The following FRMD3 variants were observed in gnomAD, a reference collection of about 807,000 sequenced individuals.
FRMD3 encodes the protein FERM domain containing 3.
A neutral mutation model predicts 70.2 loss-of-function variants in FRMD3; 33 were observed. That is an observed-to-expected ratio of 0.47 (90% CI 0.36 to 0.63). The LOEUF (loss-of-function observed/expected upper bound fraction) is 0.63. Ranked by LOEUF, FRMD3 falls within the 20% of genes least tolerant of loss-of-function variation. The pLI, the probability that FRMD3 is intolerant of heterozygous loss-of-function variation, is 0.00. For missense variants in FRMD3, 632 were observed against 711.4 expected, an observed-to-expected ratio of 0.89 and a Z score of 1.27; for synonymous variants, 279 against 255.9, an observed-to-expected ratio of 1.09 and a Z score of -0.86.
chr9:83,364,329 C>CG (rs1488303062), intron 3 of FRMD3, among the ~76,000 whole-genome samples: 1 of 152,152 alleles, frequency 6.6e-6, no homozygotes, highest in Non-Finnish European at 1.5e-5. Context: ...GAGACTGAGG[C>CG]GGGGGCGTCA....
rs1373182163 is a variant in FRMD3 at position 83,444,494 on chromosome 9, G to A, written c.148-54786C>T. Reference sequence around the variant, plus strand: ...AATAGAAAGCATGTGTGCTATCTTCGGAGTTTCCTTCAAATTTCATGTTTC... The same window carrying A: ...AATAGAAAGCATGTGTGCTATCTTCAGAGTTTCCTTCAAATTTCATGTTTC... On this transcript the variant is annotated intron_variant, in intron 1 of 13. Coordinates refer to ENST00000304195, the MANE Select transcript of FRMD3 (RefSeq NM_174938.6). Among the ~76,000 whole-genome samples, 4 of 152,146 alleles carry A rather than the reference G, an allele frequency of 2.6e-5. No individual in the cohort carries two copies. In the East Asian group the frequency reaches 5.8e-4, roughly 22 times the overall value.
chr9:83,459,630 C>T (rs1009348917), intron 1 of FRMD3, among the ~76,000 whole-genome samples: 2 of 152,226 alleles, frequency 1.3e-5, no homozygotes, highest in African/African-American at 4.8e-5. Context: ...AAACTGATGG[C>T]AAACGCTGCC....
intron 7 of FRMD3, among the ~76,000 whole-genome samples, 199 bp downstream of exon 7, chr9:83,313,461 A>G (rs970126186): frequency 4.6e-5 from 7 of 152,234 alleles, no homozygotes; most frequent in Non-Finnish European, 1.0e-4. Flanking sequence ...ATGGCAATCA[A>G]TGAACAATTG....
Position 83,306,121 on chromosome 9 carries a change from C to T in FRMD3, c.926+3415G>A, listed in dbSNP as rs758689268. ...GACTTCCTCATATATGATAAAACAA[C>T]GTGCGTGAAATAGCAAATGAATGTC... On this transcript the variant is annotated intron_variant, in intron 10 of 13. Transcript: ENST00000304195. 6.8e-4 allele frequency among the ~76,000 whole-genome samples: 103 copies of T among 152,266 alleles called. 1 individual carries two copies. The highest frequency in any genetic ancestry group is 1.4e-3 in the South Asian group (7 of 4,830).
chr9:83,247,452 A>T lies in FRMD3; in HGVS notation c.*466T>A. ...ATAAAAATATTTTTAAAAAAACAGAACCAAAAACCCAGCATAAATTTAGTT... is the reference window on the plus strand; with the variant it reads ...ATAAAAATATTTTTAAAAAAACAGATCCAAAAACCCAGCATAAATTTAGTT... On this transcript the variant is annotated 3_prime_UTR_variant, in exon 14 of 14. Coordinates refer to ENST00000304195, the MANE Select transcript of FRMD3 (RefSeq NM_174938.6). 1 of 984,166 alleles carries T rather than the reference A, an allele frequency of 1.0e-6. No homozygotes were observed. Among genetic ancestry groups the T allele is most frequent in the Non-Finnish European group, 1.2e-6 (1 of 828,478 alleles). The allele number at this position is 984,166 out of a possible 1,614,324, so 61.0% of individuals were successfully genotyped here.
chr9:83,296,069 T>C (rs977731604), intron 12 of FRMD3, among the ~76,000 whole-genome samples: 1 of 152,208 alleles, frequency 6.6e-6, no homozygotes, highest in Admixed American at 6.5e-5. Flanking sequence ...AATTAAAGTA[T>C]TATCACCACC....
At chr9:83,335,733 G>T (rs958087912) in intron 5 of FRMD3, 94 bp from the exon 6 acceptor site, 1 of 1,111,524 alleles carries the variant, frequency 9.0e-7, no homozygotes, top group African/African-American at 1.6e-5. Context: ...TCCAAAAGAA[G>T]AGGCTGGAAT....
At chr9:83,442,647 G>T (rs867633497) in intron 1 of FRMD3, among the ~76,000 whole-genome samples, 2 of 151,878 alleles carry the variant, frequency 1.3e-5, no homozygotes, top group Non-Finnish European at 2.9e-5. Context: ...CTCAGTGGAG[G>T]GGGGGTACAT....
intron 1 of FRMD3, among the ~76,000 whole-genome samples, chr9:83,521,130 A>T (rs1178324166): frequency 6.6e-6 from 1 of 150,856 alleles, no homozygotes; most frequent in East Asian, 2.0e-4. Context: ...CAAGCACAAG[A>T]CTCCATCTCA....
At chr9:83,474,349 A>T (rs1290284141) in intron 1 of FRMD3, among the ~76,000 whole-genome samples, 1 of 152,190 alleles carries the variant, frequency 6.6e-6, no homozygotes, top group Non-Finnish European at 1.5e-5. Context: ...TTCCCTGCTA[A>T]ATAAAGCAAC....
At chr9:83,400,664 G>C (rs4877758) in intron 1 of FRMD3, among the ~76,000 whole-genome samples, 1 of 151,846 alleles carries the variant, frequency 6.6e-6, no homozygotes, top group African/African-American at 2.4e-5. Flanking sequence ...AAGGCAATGT[G>C]GTATTAGCAA....
At chr9:83,523,487 GA>G (rs1829624794) in intron 1 of FRMD3, among the ~76,000 whole-genome samples, 1 of 151,988 alleles carries the variant, frequency 6.6e-6, no homozygotes, top group Non-Finnish European at 1.5e-5. Flanking sequence ...CACTAAGAGA[GA>G]AAAAAAGGCT....
chr9:83,376,189 A>C lies in FRMD3; in HGVS notation c.253-3234T>G, dbSNP rs1386654839. Reference sequence around the variant, plus strand: ...AAAAAAAAAAAAGTTAAAAAAAAAAACCACCTGACAGGTCCATGGCCCAGT... The same window carrying C: ...AAAAAAAAAAAAGTTAAAAAAAAAACCCACCTGACAGGTCCATGGCCCAGT... On this transcript the variant is annotated intron_variant, in intron 2 of 13. Coordinates refer to ENST00000304195, the MANE Select transcript of FRMD3 (RefSeq NM_174938.6). Among the ~76,000 whole-genome samples the C allele has an allele frequency of 6.0e-5, 9 of 148,826 alleles. No homozygotes were observed. In the South Asian group the frequency reaches 1.7e-3, roughly 29 times the overall value.
At chr9:83,407,723 C>T (rs1300656168) in intron 1 of FRMD3, among the ~76,000 whole-genome samples, 1 of 152,120 alleles carries the variant, frequency 6.6e-6, no homozygotes, top group African/African-American at 2.4e-5. Context: ...CTGGATGGAT[C>T]TTGTCTGGGT....
chr9:83,567,320 C>T, the FRMD3 span, among the ~76,000 whole-genome samples: 1 of 152,226 alleles, frequency 6.6e-6, no homozygotes, highest in African/African-American at 2.4e-5. Context: ...GACTCTGGGC[C>T]TGGCCTACAA....
rs770437210 is a variant in FRMD3, at chr9:83,248,153, C to T, written c.1559G>A (p.Arg520Gln). 4 of 1,614,114 alleles carry T rather than the reference C, an allele frequency of 2.5e-6. No individual in the cohort carries two copies. The highest frequency in any genetic ancestry group is 1.3e-5 in the African/African-American group (1 of 75,024). Residue 520 changes from arginine (R) to glutamine (Q), a missense_variant, in exon 14 of 14, where the codon CGG becomes CAG. Arg to Gln is a conservative substitution (Grantham distance 43). Transcript: ENST00000304195. ...AAAACTCTTGACCAGTGGGTTCACC[C>T]GAATATGGCCAGTCAGAATGTCATA... ...WSYDILTGHIRVNPLVKSFSR... is the reference protein window; with the variant it reads ...WSYDILTGHIQVNPLVKSFSR...
At chr9:83,445,354 A>G (rs1355064625) in intron 1 of FRMD3, among the ~76,000 whole-genome samples, 2 of 147,978 alleles carry the variant, frequency 1.4e-5, no homozygotes, top group African/African-American at 5.0e-5. Flanking sequence ...AGATAGATAG[A>G]TAGATAGATA....
At chr9:83,360,165 G>A (rs1026600444) in intron 3 of FRMD3, among the ~76,000 whole-genome samples, 6 of 152,298 alleles carry the variant, frequency 3.9e-5, no homozygotes, top group Admixed American at 3.9e-4. Flanking sequence ...AGGTTAGCAA[G>A]AACACATGAA....
At position 83,290,741 on chromosome 9, in the gene FRMD3, C is replaced by T. The variant is rs2118974675; in HGVS notation, c.1071-14G>A. The T allele has an allele frequency of 6.3e-7, 1 of 1,595,784 alleles. No homozygotes were observed. Among genetic ancestry groups the T allele is most frequent in the Non-Finnish European group, 8.5e-7 (1 of 1,170,256 alleles). ...GTAATGTTGGCTCTGAAAACAGACA[C>T]AAGCCAGACAGAGTTGGTTTCCATC... On this transcript the variant is annotated splice_polypyrimidine_tract_variant and intron_variant, in intron 12 of 13. Transcript: ENST00000304195.
Sources: gnomAD v4.1 joint callset for allele counts (sites outside exome capture counted in the v4.1 genomes callset) on GRCh38, gnomAD v4.1.1 for gene constraint, MANE v1.5 for transcripts, NCBI Gene and HGNC (gene_info 2026-07-23, HGNC 2026-07-21) for gene names.